PEX5L: variants seen among roughly 807,000 people sequenced by gnomAD.
PEX5L encodes peroxisomal biogenesis factor 5 like.
PEX5L carries 30 observed loss-of-function variants against 84.0 expected under a neutral mutation model. The observed-to-expected ratio is 0.36, with a 90% CI of 0.27 to 0.48. PEX5L has a LOEUF of 0.48. Ranked by LOEUF, PEX5L falls within the 20% of genes least tolerant of loss-of-function variation. The pLI is 0.99. For missense variants in PEX5L, 533 were observed against 754.6 expected, an observed-to-expected ratio of 0.71 and a Z score of 3.44; for synonymous variants, 270 against 283.1, an observed-to-expected ratio of 0.95 and a Z score of 0.46.
Position 179,897,428 on chromosome 3 carries a change from G to A in PEX5L, c.198+714C>T, listed in dbSNP as rs147241703. Among the ~76,000 whole-genome samples the A allele has an allele frequency of 7.9e-3, 1,196 of 152,214 alleles. 10 individuals are homozygous for A. Among genetic ancestry groups the A allele is most frequent in the Non-Finnish European group, 0.012 (839 of 68,000 alleles). Reference sequence around the variant, plus strand: ...GTAGATTTTACAGGGTGTTTCAAAAGTCCCCGAGGACATATAGGATTCACA... The same window carrying A: ...GTAGATTTTACAGGGTGTTTCAAAAATCCCCGAGGACATATAGGATTCACA... On this transcript the variant is annotated intron_variant, in intron 3 of 14. Transcript: ENST00000467460.
chr3:180,022,225 T>TGAAAG (rs1301797144), intron 1 of PEX5L, among the ~76,000 whole-genome samples: 1 of 152,230 alleles, frequency 6.6e-6, no homozygotes, highest in East Asian at 1.9e-4. Flanking sequence ...CTAAATTAAT[T>TGAAAG]GAAAGTTTAA....
intron 6 of PEX5L, 125 bp downstream of exon 6, chr3:179,875,229 G>A: frequency 1.3e-6 from 1 of 764,486 alleles, no homozygotes. Context: ...CACAATAATT[G>A]GTATTGTTAT....
In PEX5L at chr3:179,807,769, G is replaced by A. The variant is rs770025099; in HGVS notation, c.1581C>T (p.Ala527=). The A allele has an allele frequency of 6.2e-6, 10 of 1,613,902 alleles. No homozygotes were observed. Among genetic ancestry groups the A allele is most frequent in the Admixed American group, 3.3e-5 (2 of 60,008 alleles). The change falls in exon 14 of 15, where the codon GCC becomes GCT. Residue 527 remains alanine (A), a synonymous_variant. Coordinates refer to ENST00000467460, the MANE Select transcript of PEX5L (RefSeq NM_016559.3). ...TLANGDRSEE[A]VEAYTRALEI... ...CCAGTGCTCGCGTATAGGCCTCCAC[G>A]GCTTCCTCGCTGCGGTCTCCGTTCG...
At chr3:179,847,081 GTATATATATA>G (rs80254022) in intron 8 of PEX5L, among the ~76,000 whole-genome samples, 7 of 105,554 alleles carry the variant, frequency 6.6e-5, no homozygotes, top group African/African-American at 1.8e-4. Context: ...GTGTGTGTGT[GTATATATATA>G]TATATATATG....
At chr3:179,899,106 T>C (rs1336572489) in intron 2 of PEX5L, among the ~76,000 whole-genome samples, 1 of 152,098 alleles carries the variant, frequency 6.6e-6, no homozygotes, top group African/African-American at 2.4e-5. Flanking sequence ...AGTAGAATTA[T>C]AAACTGTAAA....
intron 2 of PEX5L, among the ~76,000 whole-genome samples, chr3:179,956,842 A>T (rs1780689549): frequency 6.6e-6 from 1 of 152,218 alleles, no homozygotes; most frequent in Non-Finnish European, 1.5e-5. Context: ...ATTCCCACAA[A>T]CATCATGCAG....
chr3:179,890,417 G>A (rs987365718), intron 3 of PEX5L, among the ~76,000 whole-genome samples: 5 of 152,084 alleles, frequency 3.3e-5, no homozygotes, highest in African/African-American at 9.7e-5. Flanking sequence ...TGTATAAAGC[G>A]CAAAGACTAA....
intron 1 of PEX5L, among the ~76,000 whole-genome samples, chr3:180,003,236 TC>T (rs1401483503): frequency 3.3e-5 from 5 of 152,178 alleles, no homozygotes; most frequent in Admixed American, 1.3e-4. Context: ...GCTCATTCTA[TC>T]CTATCATGTG....
chr3:179,900,483 A>T (rs1760915447), intron 2 of PEX5L, among the ~76,000 whole-genome samples: 1 of 152,204 alleles, frequency 6.6e-6, no homozygotes. Context: ...ACATAGAGAT[A>T]CTTTTTTACA....
At chr3:179,989,594 T>A (rs1175604996) in intron 1 of PEX5L, among the ~76,000 whole-genome samples, 1 of 152,198 alleles carries the variant, frequency 6.6e-6, no homozygotes, top group East Asian at 1.9e-4. Flanking sequence ...TATATCTCAA[T>A]GTAATGATAT....
chr3:179,997,236 A>G (rs943151946), intron 1 of PEX5L, among the ~76,000 whole-genome samples: 3 of 152,188 alleles, frequency 2.0e-5, no homozygotes, highest in African/African-American at 7.2e-5. Flanking sequence ...ACTACTGGAC[A>G]CTGGCTCTGA....
intron 9 of PEX5L, among the ~76,000 whole-genome samples, chr3:179,818,060 T>C (rs1253039726): frequency 6.6e-6 from 1 of 152,202 alleles, no homozygotes. Flanking sequence ...GACATTTTAA[T>C]GACTATGTAG....
intron 4 of PEX5L, among the ~76,000 whole-genome samples, 170 bp from the exon 5 acceptor site, chr3:179,880,293 T>C (rs1169949083): frequency 6.6e-6 from 1 of 152,248 alleles, no homozygotes; most frequent in African/African-American, 2.4e-5. Context: ...GGATGTTTGC[T>C]GCATGTTATT....
chr3:179,891,186 G>A (rs1385498857), intron 3 of PEX5L, among the ~76,000 whole-genome samples: 1 of 152,078 alleles, frequency 6.6e-6, no homozygotes, highest in African/African-American at 2.4e-5. Context: ...CACACCTACT[G>A]TCTTGTTTCT....
chr3:179,903,225 G>A (rs1384786771), intron 2 of PEX5L, among the ~76,000 whole-genome samples: 1 of 151,772 alleles, frequency 6.6e-6, no homozygotes, highest in Non-Finnish European at 1.5e-5. Context: ...ATTTTTGTTT[G>A]TTTGTTTGTT....
At chr3:179,875,041 A>T (rs1401502921) in intron 6 of PEX5L, among the ~76,000 whole-genome samples, 2 of 152,022 alleles carry the variant, frequency 1.3e-5, no homozygotes, top group Non-Finnish European at 2.9e-5. Flanking sequence ...ATTATTTAAT[A>T]TATTGAATAT....
chr3:179,954,214 GGA>G (rs199587170), intron 2 of PEX5L, among the ~76,000 whole-genome samples: 24 of 137,516 alleles, frequency 1.7e-4, no homozygotes, highest in East Asian at 1.2e-3. Flanking sequence ...CGGGGGGGGG[GGA>G]AAAAGTCAGC....
At chr3:180,024,383 A>ATAT (rs1252297183) in intron 1 of PEX5L, among the ~76,000 whole-genome samples, 3 of 110,026 alleles carry the variant, frequency 2.7e-5, no homozygotes, top group African/African-American at 1.3e-4. Flanking sequence ...TACACACACA[A>ATAT]AAAAAAAAAA....
At chr3:180,026,331 T>C (rs541309650) in intron 1 of PEX5L, among the ~76,000 whole-genome samples, 3 of 152,138 alleles carry the variant, frequency 2.0e-5, no homozygotes, top group Admixed American at 1.3e-4. Context: ...CTTTTTGTCT[T>C]ACATAAATCT....
Sources: gnomAD v4.1 joint callset for allele counts (sites outside exome capture counted in the v4.1 genomes callset) on GRCh38, gnomAD v4.1.1 for gene constraint, MANE v1.5 for transcripts, NCBI Gene and HGNC (gene_info 2026-07-23, HGNC 2026-07-21) for gene names.